The following SCAF8 variants were observed in gnomAD, a reference collection of about 807,000 sequenced individuals.
SCAF8 encodes SR-related and CTD-associated factor 8.
A neutral mutation model predicts 140.5 loss-of-function variants in SCAF8; 23 were observed. That is an observed-to-expected ratio of 0.16 (90% CI 0.12 to 0.23). The LOEUF (loss-of-function observed/expected upper bound fraction) is 0.23. Ranked by LOEUF, SCAF8 falls within the 10% of genes least tolerant of loss-of-function variation. The probability of loss-of-function intolerance (pLI) is 1.00; values close to 1 mark genes in which losing one functional copy is unlikely to be tolerated. For missense variants in SCAF8, 1,397 were observed against 1,555.7 expected, an observed-to-expected ratio of 0.90 and a Z score of 1.72; for synonymous variants, 575 against 528.9, an observed-to-expected ratio of 1.09 and a Z score of -1.20.
chr6:154,740,004 C>G (rs1778525278), intron 1 of SCAF8, among the ~76,000 whole-genome samples: 1 of 152,186 alleles, frequency 6.6e-6, no homozygotes, highest in South Asian at 2.1e-4. Context: ...CTTTTATTTT[C>G]ATCTACCAGG....
intron 1 of SCAF8, among the ~76,000 whole-genome samples, chr6:154,751,957 A>C (rs1778848240): frequency 6.6e-6 from 1 of 152,214 alleles, no homozygotes; most frequent in Non-Finnish European, 1.5e-5. Flanking sequence ...CACTCTGCAG[A>C]AAACTAAAAA....
At chr6:154,807,918 A>T (rs1310698495) in intron 9 of SCAF8, 152 bp from the exon 10 acceptor site, 3 of 599,150 alleles carry the variant, frequency 5.0e-6, no homozygotes, top group Non-Finnish European at 5.4e-6. Context: ...TTAATTTTGG[A>T]TTGATTACTT....
chr6:154,745,040 T>C (rs962536877), intron 1 of SCAF8, among the ~76,000 whole-genome samples: 1 of 152,242 alleles, frequency 6.6e-6, no homozygotes, highest in Non-Finnish European at 1.5e-5. Context: ...CTGTTGTCTG[T>C]AGATCATATT....
intron 1 of SCAF8, among the ~76,000 whole-genome samples, chr6:154,767,452 G>A (rs1047279228): frequency 2.6e-4 from 39 of 150,028 alleles, no homozygotes; most frequent in African/African-American, 9.3e-4. Context: ...TCTCCTCAAC[G>A]ATATTCTTAA....
At chr6:154,796,353 T>TTCCGTCTCTCTCTCTCTC (rs772760237) in intron 6 of SCAF8, among the ~76,000 whole-genome samples, 1 of 75,198 alleles carries the variant, frequency 1.3e-5, no homozygotes, top group African/African-American at 8.0e-5. Context: ...TGCAATCCTG[T>TTCCGTCTCTCTCTCTCTC]TCTCTCTCTC....
At chr6:154,754,535 G>A (rs1489027660) in intron 1 of SCAF8, among the ~76,000 whole-genome samples, 2 of 152,200 alleles carry the variant, frequency 1.3e-5, no homozygotes, top group Non-Finnish European at 2.9e-5. Context: ...TTTATAAAAC[G>A]AGAATAGTAA....
intron 1 of SCAF8, among the ~76,000 whole-genome samples, chr6:154,748,864 A>G (rs1460989107): frequency 6.6e-6 from 1 of 152,260 alleles, no homozygotes; most frequent in Non-Finnish European, 1.5e-5. Flanking sequence ...TGCAAAAGCA[A>G]AGAATTAAAT....
chr6:154,733,402 G>A (rs953991790), upstream of SCAF8: 3 of 1,385,186 alleles, frequency 2.2e-6, no homozygotes, highest in Non-Finnish European at 1.9e-6. Context: ...TGCGCGGCCC[G>A]ACTCGAGTCC....
rs781318956 is a variant in SCAF8 at position 154,774,107 on chromosome 6, G to A, written c.114+35G>A. 4 of 1,331,072 alleles carry A rather than the reference G, an allele frequency of 3.0e-6. No homozygotes were observed. In the East Asian group the frequency reaches 9.2e-5, roughly 31 times the overall value. The allele number at this position is 1,331,072 out of a possible 1,614,324, so 82.5% of individuals were successfully genotyped here. A position where few individuals can be genotyped will look rare whatever the true frequency, so the allele number is the denominator to read the frequency against. On this transcript the variant is annotated intron_variant, in intron 2 of 19. Coordinates refer to ENST00000367178, the MANE Select transcript of SCAF8 (RefSeq NM_014892.5). The stretch of plus-strand genomic sequence containing the variant: ...AAATTTTACTCTTCTATTTTCAAAA[G>A]AAAAAACTATATTAATAGTTTGGAT...
At chr6:154,792,799 T>C (rs946463589) in intron 4 of SCAF8, 24 bp from the exon 5 acceptor site, 1 of 1,548,664 alleles carries the variant, frequency 6.5e-7, no homozygotes, top group Non-Finnish European at 8.7e-7. Flanking sequence ...AAAACCAAAA[T>C]GTCATGTTTC....
chr6:154,783,487 A>G (rs569983701), intron 3 of SCAF8, among the ~76,000 whole-genome samples: 62 of 152,280 alleles, frequency 4.1e-4, no homozygotes, highest in Non-Finnish European at 5.9e-5. Context: ...ACCTTCTTCA[A>G]ATTTCCTGCT....
At chr6:154,814,786 G>C (rs879396916) in intron 12 of SCAF8, among the ~76,000 whole-genome samples, 7 of 152,184 alleles carry the variant, frequency 4.6e-5, no homozygotes, top group Non-Finnish European at 8.8e-5. Flanking sequence ...CTGAAAGTAG[G>C]CAAGGTGTCT....
chr6:154,832,175 T>G lies in SCAF8; in HGVS notation c.2596T>G (p.Ser866Ala), dbSNP rs1778763333. 4 of 1,614,026 alleles carry G rather than the reference T, an allele frequency of 2.5e-6. No individual in the cohort carries two copies. The highest frequency in any genetic ancestry group is 1.7e-5 in the Admixed American group (1 of 59,992). ...GIQPPSVSNS[S>A]GLLGVLPPNI... is the part of the protein sequence containing the mutation. ...ACAGCCACCCAGTGTGTCAAATAGT[T>G]CTGGACTTTTGGGAGTGCTACCCCC... is the stretch of plus-strand genomic sequence containing the variant. The change falls in exon 20 of 20, where the codon TCT becomes GCT. Residue 866 changes from serine to alanine, a missense_variant. This residue lies in a region of SCAF8 where 930 missense variants were observed against 874.6 expected (regional missense o/e 1.06). Coordinates refer to ENST00000367178, the MANE Select transcript of SCAF8 (RefSeq NM_014892.5).
chr6:154,823,519 A>G (rs1418492329), intron 16 of SCAF8, among the ~76,000 whole-genome samples: 1 of 152,180 alleles, frequency 6.6e-6, no homozygotes, highest in Non-Finnish European at 1.5e-5. Flanking sequence ...GTTGTAGCCA[A>G]CAGGACTTTG....
At chr6:154,777,919 C>T in intron 2 of SCAF8, 82 bp from the exon 3 acceptor site, 1 of 800,728 alleles carries the variant, frequency 1.2e-6, no homozygotes, top group Non-Finnish European at 2.1e-6. Context: ...ACCTTTGGAG[C>T]ATGTAAAACC....
rs1777977084 is a variant in SCAF8, at chr6:154,808,155, T to A, written c.1067T>A (p.Leu356His). ...CAAGGGAGTAGTCAGCAGCATTTTC[T>A]TGAACCTGAAGTCAATTTGGATGAT... ...PSQGSSQQHF[L>H]EPEVNLDDSI... The change falls in exon 10 of 20, where the codon CTT (leucine) becomes CAT (histidine). Residue 356 changes from leucine (L) to histidine (H), a missense_variant. Transcript: ENST00000367178. 6.2e-7 allele frequency: 1 copy of A among 1,614,014 alleles called. No individual in the cohort carries two copies. Among genetic ancestry groups the A allele is most frequent in the Non-Finnish European group, 8.5e-7 (1 of 1,179,844 alleles).
At chr6:154,798,404 C>CT (rs1259034375) in intron 6 of SCAF8, among the ~76,000 whole-genome samples, 1 of 151,344 alleles carries the variant, frequency 6.6e-6, no homozygotes, top group Non-Finnish European at 1.5e-5. Context: ...AATTCTGAGT[C>CT]TTTCAAACAA....
At chr6:154,822,559 TAAAA>T (rs199831937) in intron 16 of SCAF8, 150 bp downstream of exon 16, 13 of 805,582 alleles carry the variant, frequency 1.6e-5, no homozygotes, top group Non-Finnish European at 2.2e-5. Context: ...TTCTTTTAAA[TAAAA>T]AAAAAGTCTG....
At position 154,809,908 on chromosome 6, in the gene SCAF8, TAAA is replaced by T. The variant is rs1178882546; in HGVS notation, c.1227-106_1227-104del. 10 of 924,348 alleles carry T rather than the reference TAAA, an allele frequency of 1.1e-5. No homozygotes were observed. The African/African-American group carries it at 1.7e-4, about 16-fold the overall frequency. The allele number at this position is 924,348 out of a possible 1,614,324, so 57.3% of individuals were successfully genotyped here. A position where few individuals can be genotyped will look rare whatever the true frequency, so the allele number is the denominator to read the frequency against. On this transcript the variant is annotated intron_variant, in intron 11 of 19. Transcript: ENST00000367178. ...TCAGAATATTTTAACATATTGTCAC[TAAA>T]TATAAGACAACTTTTTTGTTATTGT... is the stretch of plus-strand genomic sequence containing the variant.
Sources: allele counts gnomAD v4.1 joint callset (sites outside exome capture counted in the v4.1 genomes callset), GRCh38; gene constraint gnomAD v4.1.1; regional missense constraint gnomAD v4.1.1; transcripts MANE v1.5; gene names NCBI Gene and HGNC (gene_info 2026-07-23, HGNC 2026-07-21).